KIF21B: variants seen among roughly 807,000 people sequenced by gnomAD.
KIF21B encodes the protein kinesin family member 21B.
Under a neutral mutation model 192.9 loss-of-function variants are expected in KIF21B, and 85 were observed. The ratio of observed to expected loss-of-function variants is 0.44; its 90% CI spans 0.37 to 0.53. The LOEUF (loss-of-function observed/expected upper bound fraction) is 0.53. Among genes scored for constraint, KIF21B ranks in the 20% least tolerant of loss-of-function variants. The probability of loss-of-function intolerance (pLI) is 0.00; values close to 1 mark genes in which losing one functional copy is unlikely to be tolerated. For missense variants in KIF21B, 1,716 were observed against 2,194.8 expected, an observed-to-expected ratio of 0.78 and a Z score of 4.36; for synonymous variants, 832 against 884.6, an observed-to-expected ratio of 0.94 and a Z score of 1.05.
Position 201,002,228 on chromosome 1 carries a change from G to C in KIF21B, c.1335C>G (p.Ile445Met), listed in dbSNP as rs200299912. ...GGGTGACGCGGTTGTTGATGGCATC[G>C]ATGGCCTCCTGCATGGCTTTCACCC... ...RLRVKAMQEA[I>M]DAINNRVTQL... Residue 445 changes from isoleucine to methionine, a missense_variant, in exon 9 of 35, where the codon ATC (isoleucine) becomes ATG (methionine). By Grantham distance (10) the Ile-to-Met change is conservative (BLOSUM62 1). Around this residue, in one of 3 missense-constraint regions of KIF21B, gnomAD observed 1,087 missense variants for 1,316.6 expected, o/e 0.83. Transcript: ENST00000461742. 2.0e-4 allele frequency: 317 copies of C among 1,614,180 alleles called. 2 individuals are homozygous for C. In the East Asian group the frequency reaches 7.0e-3, roughly 36 times the overall value.
In KIF21B at chr1:201,002,196, A is replaced by G. The variant is rs1378112265; in HGVS notation, c.1367T>C (p.Met456Thr). 6.2e-7 allele frequency: 1 copy of G among 1,614,188 alleles called. No homozygotes were observed. The highest frequency in any genetic ancestry group is 1.7e-5 in the Admixed American group (1 of 60,024). ...TAGCAGCAGGTTGGCCTCCTGGCTCATGAGCTGGGTGACGCGGTTGTTGAT... is the reference window on the plus strand; with the variant it reads ...TAGCAGCAGGTTGGCCTCCTGGCTCGTGAGCTGGGTGACGCGGTTGTTGAT... ...DAINNRVTQL[M>T]SQEANLLLAK... The change falls in exon 9 of 35, where the codon ATG becomes ACG. Residue 456 changes from methionine to threonine, a missense_variant. By Grantham distance (81) the Met-to-Thr change is moderately conservative. Coordinates refer to ENST00000461742, the MANE Select transcript of KIF21B (RefSeq NM_001252102.2).
intron 1 of KIF21B, among the ~76,000 whole-genome samples, chr1:201,014,563 G>C (rs961238439): frequency 3.3e-5 from 5 of 152,230 alleles, no homozygotes; most frequent in Non-Finnish European, 5.9e-5. Context: ...GGGCTTAGGA[G>C]GGGGAGGATG....
chr1:201,006,866 A>G lies in KIF21B; in HGVS notation c.448-1172T>C, dbSNP rs549974336. Among the ~76,000 whole-genome samples, 32 of 151,860 alleles carry G rather than the reference A, an allele frequency of 2.1e-4. 1 individual carries two copies. The South Asian group carries it at 5.0e-3, about 24-fold the overall frequency. On this transcript the variant is annotated intron_variant, in intron 3 of 34. Transcript: ENST00000461742. Reference sequence around the variant, plus strand: ...CAGACACAGAGACACACAGACACACACACACACAGACACAGAGACACATAG... The same window carrying G: ...CAGACACAGAGACACACAGACACACGCACACACAGACACAGAGACACATAG...
Position 200,974,114 on chromosome 1 carries a change from C to T in KIF21B, c.4815-536G>A, listed in dbSNP as rs757337335. On this transcript the variant is annotated intron_variant, in intron 34 of 34. Coordinates refer to ENST00000461742, the MANE Select transcript of KIF21B (RefSeq NM_001252102.2). Reference sequence around the variant, plus strand: ...GGAGGGTCAGGGCAGGGTGGTGGCGCGGCCCTTTATGGCCAGGACTCGGCG... The same window carrying T: ...GGAGGGTCAGGGCAGGGTGGTGGCGTGGCCCTTTATGGCCAGGACTCGGCG... The T allele has an allele frequency of 4.4e-5, 70 of 1,608,068 alleles. No individual in the cohort carries two copies. The highest frequency in any genetic ancestry group is 5.4e-5 in the Non-Finnish European group (64 of 1,177,718).
In KIF21B at chr1:200,988,831, T is replaced by A; in HGVS notation, c.3233A>T (p.Asp1078Val). ...AGSSQNHLLL[D>V]ALREKAEAHP... ...AGCTTCAGCCTTCTCACGCAGGGCG[T>A]CCAGGAGCAGATGGTTCTGGGAGGA... The change falls in exon 22 of 35, where the codon GAC becomes GTC. Residue 1078 changes from aspartate (D) to valine (V), a missense_variant. Asp to Val is a radical substitution (Grantham distance 152). Around this residue, in one of 3 missense-constraint regions of KIF21B, gnomAD observed 580 missense variants for 775.5 expected, o/e 0.75. Coordinates refer to ENST00000461742, the MANE Select transcript of KIF21B (RefSeq NM_001252102.2). 1 of 1,613,546 alleles carries A rather than the reference T, an allele frequency of 6.2e-7. No individual in the cohort carries two copies. The highest frequency in any genetic ancestry group is 8.5e-7 in the Non-Finnish European group (1 of 1,179,790).
rs569344786 is a variant in KIF21B, at chr1:201,012,411, G to A, written c.42-2923C>T. ...AAAGGAAAGCTAAGATGTCAGGGAC[G>A]CTCTCCATGTGCTAGCGCTGGCTCA... is the stretch of plus-strand genomic sequence containing the variant. On this transcript the variant is annotated intron_variant, in intron 1 of 34. Coordinates refer to ENST00000461742, the MANE Select transcript of KIF21B (RefSeq NM_001252102.2). Among the ~76,000 whole-genome samples, 6 of 152,322 alleles carry A rather than the reference G, an allele frequency of 3.9e-5. No homozygotes were observed. The South Asian group carries it at 1.0e-3, about 26-fold the overall frequency.
At chr1:200,997,690 C>T (rs7535723) in intron 14 of KIF21B, among the ~76,000 whole-genome samples, 44,052 of 151,944 alleles carry the variant, frequency 0.29, 6,568 homozygotes, top group Middle Eastern at 0.32. Context: ...TGCAGTTAGC[C>T]GAGATCACGC....
Position 200,975,315 on chromosome 1 carries a change from G to A in KIF21B, c.4614+184C>T, listed in dbSNP as rs1457338801. ...GGGAGATGTGGCATCAGGAGAGGCC[G>A]CGGGTAGGGAAGAAGGGAGGATGGA... On this transcript the variant is annotated intron_variant, in intron 33 of 34. Coordinates refer to ENST00000461742, the MANE Select transcript of KIF21B (RefSeq NM_001252102.2). This position sits in a 1 kb window ranked among gnomAD's most constrained non-coding sequence, Gnocchi z 4.3. 6.6e-5 allele frequency among the ~76,000 whole-genome samples: 10 copies of A among 152,188 alleles called. No individual in the cohort carries two copies. The highest frequency in any genetic ancestry group is 6.2e-4 in the South Asian group (3 of 4,834).
At chr1:200,987,276 A>AT (rs952289471) in intron 24 of KIF21B, 75 bp from the exon 25 acceptor site, 118,522 of 972,824 alleles carry the variant, frequency 0.12, 3 homozygotes, top group East Asian at 0.14. Flanking sequence ...GGGAAATTCT[A>AT]TTTTTTTTTT....
intron 26 of KIF21B, among the ~76,000 whole-genome samples, chr1:200,985,658 C>T (rs1460416885): frequency 1.3e-5 from 2 of 152,080 alleles, no homozygotes; most frequent in South Asian, 2.1e-4. Flanking sequence ...TGGGCCTGGC[C>T]CACATGTGGG....
At chr1:201,002,652 C>A (rs1657565638) in intron 8 of KIF21B, 1 of 340,682 alleles carries the variant, frequency 2.9e-6, no homozygotes, top group South Asian at 4.3e-5. Context: ...AAGTCTAGTC[C>A]AAGGGTCAAA....
chr1:200,999,935 G>A lies in KIF21B; in HGVS notation c.1715C>T (p.Ala572Val), dbSNP rs746870457. The A allele has an allele frequency of 1.2e-6, 2 of 1,613,940 alleles. No homozygotes were observed. The highest frequency in any genetic ancestry group is 1.7e-6 in the Non-Finnish European group (2 of 1,180,012). ...SPEKEAFKKR[A>V]KLQQENSEET... ...CTCGCTGTTCTCCTGTTGGAGTTTT[G>A]CCCTCTTTTTGAAGGCTTCCTTCTC... Residue 572 changes from alanine to valine, a missense_variant, in exon 12 of 35, where the codon GCA (alanine) becomes GTA (valine). Ala to Val is a moderately conservative substitution (Grantham distance 64, BLOSUM62 0). Coordinates refer to ENST00000461742, the MANE Select transcript of KIF21B (RefSeq NM_001252102.2). The surrounding 1 kb of genome is among the most constrained non-coding windows in gnomAD (Gnocchi z 4.7).
chr1:201,005,208 C>A, intron 5 of KIF21B, 100 bp downstream of exon 5: 1 of 1,450,130 alleles, frequency 6.9e-7, no homozygotes, highest in South Asian at 1.4e-5. Flanking sequence ...AGGCCAGCCT[C>A]AATCTGGTTT....
chr1:200,987,599 T>C (rs1336791781), intron 24 of KIF21B, among the ~76,000 whole-genome samples: 1 of 152,184 alleles, frequency 6.6e-6, no homozygotes, highest in African/African-American at 2.4e-5. Context: ...GTAGAGGACC[T>C]GATGGAAGGA....
At chr1:200,973,609 G>A (rs780152211) in intron 34 of KIF21B, 31 bp from the exon 35 acceptor site, 111 of 1,524,082 alleles carry the variant, frequency 7.3e-5, no homozygotes, top group African/African-American at 5.4e-4. Flanking sequence ...GAGGGGTGCC[G>A]GTCAGCTCTT....
At position 200,982,047 on chromosome 1, in the gene KIF21B, C is replaced by T. The variant is rs1655966704; in HGVS notation, c.3843-951G>A. Among the ~76,000 whole-genome samples, 1 of 152,134 alleles carries T rather than the reference C, an allele frequency of 6.6e-6. No homozygotes were observed. ...GTCTACTGAAATGATCAAGGTTTTGCCTGTGGCGCTTCTGGCACAGCTCCC... is the reference window on the plus strand; with the variant it reads ...GTCTACTGAAATGATCAAGGTTTTGTCTGTGGCGCTTCTGGCACAGCTCCC... On this transcript the variant is annotated intron_variant, in intron 28 of 34. Transcript: ENST00000461742. This position sits in a 1 kb window ranked among gnomAD's most constrained non-coding sequence, Gnocchi z 4.7.
At position 201,017,573 on chromosome 1, in the gene KIF21B, A is replaced by T. The variant is rs1658579484; in HGVS notation, c.41+5770T>A. 6.6e-6 allele frequency among the ~76,000 whole-genome samples: 1 copy of T among 152,208 alleles called. No homozygotes were observed. The highest frequency in any genetic ancestry group is 1.5e-5 in the Non-Finnish European group (1 of 68,018). On this transcript the variant is annotated intron_variant, in intron 1 of 34. Transcript: ENST00000461742. This position sits in a 1 kb window ranked among gnomAD's most constrained non-coding sequence, Gnocchi z 4.1. ...GAGCTGTGACGGTATTGGCATCTGC[A>T]TCTGGTGGGGAATGGCCAGTGGGGA...
rs935228929 is a variant in KIF21B, at chr1:200,975,180, G to A, written c.4615-267C>T. On this transcript the variant is annotated intron_variant, in intron 33 of 34. Transcript: ENST00000461742. This position sits in a 1 kb window ranked among gnomAD's most constrained non-coding sequence, Gnocchi z 4.3. Reference sequence around the variant, plus strand: ...GCAGAGAACCCTTCAGCCCTCACACGGGTCAGGCTAAAACACAAATGCTCC... The same window carrying A: ...GCAGAGAACCCTTCAGCCCTCACACAGGTCAGGCTAAAACACAAATGCTCC... Among the ~76,000 whole-genome samples, 4 of 152,210 alleles carry A rather than the reference G, an allele frequency of 2.6e-5. No individual in the cohort carries two copies. Among genetic ancestry groups the A allele is most frequent in the South Asian group, 4.1e-4 (2 of 4,836 alleles).
chr1:200,989,319 A>G (rs1301035727), intron 21 of KIF21B, among the ~76,000 whole-genome samples: 1 of 152,202 alleles, frequency 6.6e-6, no homozygotes, highest in Non-Finnish European at 1.5e-5. Context: ...GTCCCCAGAC[A>G]CAAAGCGGAG....
Sources: allele counts gnomAD v4.1 joint callset (sites outside exome capture counted in the v4.1 genomes callset), GRCh38; gene constraint gnomAD v4.1.1; regional missense constraint gnomAD v4.1.1; non-coding constraint Gnocchi (gnomAD v3.1); transcripts MANE v1.5; gene names NCBI Gene and HGNC (gene_info 2026-07-23, HGNC 2026-07-21).